SGCG: variants seen among roughly 807,000 people sequenced by gnomAD.
SGCG encodes sarcoglycan gamma.
Under a neutral mutation model 29.3 loss-of-function variants are expected in SGCG, and 26 were observed. The observed-to-expected ratio is 0.89, with a 90% CI of 0.65 to 1.23. SGCG has a LOEUF of 1.23. Among genes scored for constraint, SGCG ranks in the 50% most tolerant of loss-of-function variants. SGCG has a pLI of 0.00. For synonymous variants in SGCG, 145 were observed against 129.7 expected (o/e 1.12, Z -0.80); for missense variants, 353 against 356.0 (o/e 0.99, Z 0.07).
intron 2 of SGCG, among the ~76,000 whole-genome samples, chr13:23,231,516 C>T (rs1301959603): frequency 6.6e-6 from 1 of 152,076 alleles, no homozygotes; most frequent in Non-Finnish European, 1.5e-5. Context: ...GTCCAGAAAA[C>T]TGCCACCATA....
intron 1 of SGCG, among the ~76,000 whole-genome samples, chr13:23,198,771 G>A (rs979840232): frequency 3.3e-5 from 5 of 151,310 alleles, no homozygotes; most frequent in South Asian, 2.1e-4. Flanking sequence ...GCTTGAACCC[G>A]GGAGGTGGAG....
At position 23,277,897 on chromosome 13, in the gene SGCG, A is replaced by G. The variant is rs557523592; in HGVS notation, c.386-1462A>G. The stretch of plus-strand genomic sequence containing the variant: ...GTATTTTTAGTAGAGACTGGGTTTC[A>G]CCGTGTTAGCCAGGATGGTCTCGAT... On this transcript the variant is annotated intron_variant, in intron 4 of 7. Transcript: ENST00000218867. 2.6e-5 allele frequency among the ~76,000 whole-genome samples: 4 copies of G among 151,900 alleles called. No individual in the cohort carries two copies. The South Asian group carries it at 8.3e-4, about 32-fold the overall frequency.
intron 2 of SGCG, among the ~76,000 whole-genome samples, chr13:23,234,013 C>T (rs959325031): frequency 3.9e-5 from 6 of 152,190 alleles, no homozygotes; most frequent in Admixed American, 2.6e-4. Flanking sequence ...AACAGCACAG[C>T]GGTCATTGGT....
chr13:23,294,939 C>T (rs1307458958), intron 5 of SGCG, among the ~76,000 whole-genome samples: 1 of 152,118 alleles, frequency 6.6e-6, no homozygotes, highest in East Asian at 1.9e-4. Flanking sequence ...TGGGAACATA[C>T]TGATTTCTAG....
chr13:23,236,457 C>A (rs1310649538), intron 3 of SGCG, among the ~76,000 whole-genome samples: 1 of 152,022 alleles, frequency 6.6e-6, no homozygotes, highest in Non-Finnish European at 1.5e-5. Flanking sequence ...GCGGGCAGAT[C>A]ACAAGGTCAG....
At chr13:23,273,397 C>G (rs1013309082) in intron 4 of SGCG, among the ~76,000 whole-genome samples, 7 of 152,090 alleles carry the variant, frequency 4.6e-5, no homozygotes, top group African/African-American at 1.7e-4. Context: ...GTTGGCCAGT[C>G]TGGTCTCAAA....
At chr13:23,315,551 C>T (rs1240449841) in intron 6 of SGCG, among the ~76,000 whole-genome samples, 1 of 149,812 alleles carries the variant, frequency 6.7e-6, no homozygotes, top group Non-Finnish European at 1.5e-5. Flanking sequence ...ACAGATGGTT[C>T]TGTATGATAT....
chr13:23,301,422 C>G (rs1882153535), intron 6 of SGCG, among the ~76,000 whole-genome samples: 1 of 152,118 alleles, frequency 6.6e-6, no homozygotes, highest in African/African-American at 2.4e-5. Flanking sequence ...ATACCATTCT[C>G]CAAGGAACCG....
chr13:23,315,924 TAATC>T (rs1026528695), intron 6 of SGCG, among the ~76,000 whole-genome samples: 15 of 152,320 alleles, frequency 9.8e-5, no homozygotes, highest in African/African-American at 3.6e-4. Flanking sequence ...AGGATTTTAA[TAATC>T]AAGTGGATAG....
chr13:23,270,500 CT>C (rs1391535144), intron 4 of SGCG, among the ~76,000 whole-genome samples: 2 of 152,062 alleles, frequency 1.3e-5, no homozygotes, highest in Admixed American at 6.6e-5. Context: ...TCTCATGACT[CT>C]TTTTCCATTT....
intron 6 of SGCG, among the ~76,000 whole-genome samples, chr13:23,308,375 G>A (rs974395657): frequency 1.3e-4 from 20 of 152,166 alleles, no homozygotes; most frequent in African/African-American, 2.9e-4. Flanking sequence ...TTCTTTATCC[G>A]TAATGCTATT....
At chr13:23,291,237 A>G (rs1032547006) in intron 5 of SGCG, among the ~76,000 whole-genome samples, 8 of 152,186 alleles carry the variant, frequency 5.3e-5, no homozygotes, top group African/African-American at 1.7e-4. Context: ...TGCATATTAT[A>G]CAGGGTCATT....
chr13:23,280,050 G>A (rs963905758), intron 5 of SGCG, among the ~76,000 whole-genome samples: 6 of 151,874 alleles, frequency 4.0e-5, no homozygotes, highest in Non-Finnish European at 8.8e-5. Flanking sequence ...TTTCTAATTG[G>A]AGTAACCCAC....
chr13:23,277,389 T>C (rs1459481286), intron 4 of SGCG, among the ~76,000 whole-genome samples: 1 of 147,168 alleles, frequency 6.8e-6, no homozygotes, highest in Non-Finnish European at 1.5e-5. Flanking sequence ...ACATTACAAA[T>C]ACCAAAAAAT....
At chr13:23,162,263 T>G in the SGCG span, among the ~76,000 whole-genome samples, 1 of 152,216 alleles carries the variant, frequency 6.6e-6, no homozygotes, top group African/African-American at 2.4e-5. Context: ...CATCATTATG[T>G]TATCTTAGGA....
chr13:23,160,766 C>T, the SGCG span, among the ~76,000 whole-genome samples: 1 of 152,188 alleles, frequency 6.6e-6, no homozygotes. Context: ...TATGCCGGTT[C>T]CAGCCTTCCT....
At chr13:23,167,666 C>T in the SGCG span, among the ~76,000 whole-genome samples, 1 of 151,810 alleles carries the variant, frequency 6.6e-6, no homozygotes, top group African/African-American at 2.4e-5. Context: ...TGTTAAGCAC[C>T]TTTTCATATG....
At chr13:23,303,335 C>G (rs1407681622) in intron 6 of SGCG, among the ~76,000 whole-genome samples, 2 of 152,200 alleles carry the variant, frequency 1.3e-5, no homozygotes, top group African/African-American at 4.8e-5. Context: ...TCTCTGGTAA[C>G]CAGGAGAACA....
At chr13:23,207,182 G>A (rs1878013443) in intron 2 of SGCG, among the ~76,000 whole-genome samples, 1 of 152,156 alleles carries the variant, frequency 6.6e-6, no homozygotes, top group South Asian at 2.1e-4. Flanking sequence ...TGATCAACTG[G>A]TCTTTGACAA....
Sources: gnomAD v4.1 joint callset for allele counts (sites outside exome capture counted in the v4.1 genomes callset) on GRCh38, gnomAD v4.1.1 for gene constraint, MANE v1.5 for transcripts, NCBI Gene and HGNC (gene_info 2026-07-23, HGNC 2026-07-21) for gene names.